RPH3A: variants seen among roughly 807,000 people sequenced by gnomAD.
RPH3A encodes the protein rabphilin 3A.
RPH3A carries 48 observed loss-of-function variants against 102.2 expected under a neutral mutation model. That is an observed-to-expected ratio of 0.47 (90% CI 0.37 to 0.60). The LOEUF is 0.60. Among genes scored for constraint, RPH3A ranks in the 20% least tolerant of loss-of-function variants. The pLI is 0.00. For synonymous variants in RPH3A, 310 were observed against 324.3 expected, an observed-to-expected ratio of 0.96 and a Z score of 0.47; for missense variants, 781 against 910.1, an observed-to-expected ratio of 0.86 and a Z score of 1.83.
At chr12:112,745,114 A>G (rs1049901007) in intron 1 of RPH3A, among the ~76,000 whole-genome samples, 2 of 151,940 alleles carry the variant, frequency 1.3e-5, no homozygotes, top group Admixed American at 1.3e-4. Context: ...TTGTTTCTTG[A>G]CTTTGACATC....
chr12:112,728,352 G>A (rs4141280), intron 1 of RPH3A, among the ~76,000 whole-genome samples: 1 of 152,020 alleles, frequency 6.6e-6, no homozygotes, highest in South Asian at 2.1e-4. Context: ...TCTTGAAATG[G>A]CTTTTAAGCT....
intron 1 of RPH3A, among the ~76,000 whole-genome samples, chr12:112,727,452 GACACAGACACAC>G (rs1565862458): frequency 0.01 from 527 of 51,758 alleles, 39 homozygotes; most frequent in African/African-American, 0.029. Context: ...TACACACACA[GACACAGACACAC>G]ACACACACAC....
intron 1 of RPH3A, among the ~76,000 whole-genome samples, chr12:112,663,925 C>T (rs2040067460): frequency 6.6e-6 from 1 of 152,126 alleles, no homozygotes; most frequent in African/African-American, 2.4e-5. Flanking sequence ...TTCCTAAAAG[C>T]TCACTTTGTT....
intron 1 of RPH3A, among the ~76,000 whole-genome samples, chr12:112,758,271 A>G (rs2040834138): frequency 6.6e-6 from 1 of 152,200 alleles, no homozygotes; most frequent in Non-Finnish European, 1.5e-5. Context: ...CAGCTCCATC[A>G]TCCACTTCCT....
intron 5 of RPH3A, among the ~76,000 whole-genome samples, chr12:112,849,898 G>A (rs144342146): frequency 2.6e-5 from 4 of 152,296 alleles, no homozygotes; most frequent in Non-Finnish European, 5.9e-5. Context: ...GCAGCCAGGC[G>A]TGCCAAGCCC....
chr12:112,694,644 G>GCA (rs1174316742), intron 1 of RPH3A, among the ~76,000 whole-genome samples: 3 of 126,940 alleles, frequency 2.4e-5, no homozygotes, highest in Admixed American at 2.3e-4. Context: ...GCGCGCGCGC[G>GCA]CACACGCACA....
intron 1 of RPH3A, among the ~76,000 whole-genome samples, chr12:112,637,743 A>G (rs571928258): frequency 6.6e-6 from 1 of 152,134 alleles, no homozygotes; most frequent in Non-Finnish European, 1.5e-5. Context: ...CTGCTCCACC[A>G]TGTCTTGCAT....
intron 1 of RPH3A, among the ~76,000 whole-genome samples, chr12:112,724,422 A>C (rs2040573051): frequency 6.6e-6 from 1 of 152,088 alleles, no homozygotes; most frequent in Non-Finnish European, 1.5e-5. Flanking sequence ...ATGGTTGCAG[A>C]TCTCCAAAAA....
chr12:112,741,993 C>G (rs1284591565), intron 1 of RPH3A, among the ~76,000 whole-genome samples: 2 of 152,104 alleles, frequency 1.3e-5, no homozygotes, highest in Non-Finnish European at 1.5e-5. Context: ...AATACTGCAC[C>G]AGAGCAGTCT....
At chr12:112,725,265 A>AC (rs1318965055) in intron 1 of RPH3A, among the ~76,000 whole-genome samples, 9 of 129,488 alleles carry the variant, frequency 7.0e-5, no homozygotes, top group Admixed American at 3.2e-4. Flanking sequence ...AAAAAAAAAA[A>AC]AAAAAAAAAA....
intron 1 of RPH3A, among the ~76,000 whole-genome samples, chr12:112,750,022 T>C (rs889873656): frequency 1.3e-5 from 2 of 152,020 alleles, no homozygotes; most frequent in Non-Finnish European, 2.9e-5. Context: ...TGCAAAGTGG[T>C]TTCCAAACGA....
intron 1 of RPH3A, among the ~76,000 whole-genome samples, chr12:112,669,305 T>A (rs1040073671): frequency 3.3e-5 from 5 of 152,232 alleles, no homozygotes; most frequent in Non-Finnish European, 7.3e-5. Flanking sequence ...CATTCCATGT[T>A]GTAAACTTGT....
At chr12:112,593,574 G>A (rs2039493791) in intron 1 of RPH3A, among the ~76,000 whole-genome samples, 1 of 152,130 alleles carries the variant, frequency 6.6e-6, no homozygotes, top group Non-Finnish European at 1.5e-5. Flanking sequence ...ATGAATAAAA[G>A]AACAATTATG....
At chr12:112,617,116 C>G (rs1289234060) in intron 1 of RPH3A, among the ~76,000 whole-genome samples, 1 of 152,214 alleles carries the variant, frequency 6.6e-6, no homozygotes, top group Non-Finnish European at 1.5e-5. Context: ...CTCTTTCTCT[C>G]TCCCTGTTTG....
intron 5 of RPH3A, 145 bp downstream of exon 5, chr12:112,847,987 C>T (rs572612162): frequency 4.6e-5 from 36 of 775,846 alleles, no homozygotes; most frequent in South Asian, 1.9e-4. Context: ...CCTCCCCGCC[C>T]CACCCCCTTC....
chr12:112,790,694 A>T (rs557436853), upstream of RPH3A, among the ~76,000 whole-genome samples: 175 of 152,278 alleles, frequency 1.1e-3, no homozygotes, highest in African/African-American at 4.1e-3. Context: ...CTTTTATTTC[A>T]TTGTCCATAT....
At chr12:112,794,153 A>G (rs1456135192) in intron 2 of RPH3A, among the ~76,000 whole-genome samples, 1 of 152,192 alleles carries the variant, frequency 6.6e-6, no homozygotes, top group Non-Finnish European at 1.5e-5. Flanking sequence ...AAAGGGAAAG[A>G]GAAGCTTCTG....
intron 7 of RPH3A, chr12:112,868,004 A>G: frequency 6.0e-6 from 1 of 166,152 alleles, no homozygotes; most frequent in Non-Finnish European, 1.3e-5. Flanking sequence ...CTCTGTTCTG[A>G]CCCACAGGGC....
chr12:112,724,052 A>ATTTTTTTTTTT (rs146271090), intron 1 of RPH3A, among the ~76,000 whole-genome samples: 1 of 117,322 alleles, frequency 8.5e-6, no homozygotes, highest in Non-Finnish European at 1.7e-5. Flanking sequence ...AATTTTTTTG[A>ATTTTTTTTTTT]TTTTTTTTTT....
Sources: allele counts gnomAD v4.1 joint callset (sites outside exome capture counted in the v4.1 genomes callset), GRCh38; gene constraint gnomAD v4.1.1; transcripts MANE v1.5; gene names NCBI Gene and HGNC (gene_info 2026-07-23, HGNC 2026-07-21).